The following RALGAPA1 variants were observed in gnomAD, a reference collection of about 807,000 sequenced individuals.
RALGAPA1 encodes the protein ral GTPase-activating protein subunit alpha-1.
In RALGAPA1, 52 loss-of-function variants were observed where a neutral mutation model predicts 269.6. The observed-to-expected ratio is 0.19, with a 90% confidence interval of 0.15 to 0.24. The LOEUF (loss-of-function observed/expected upper bound fraction) is 0.24. Among genes scored for constraint, RALGAPA1 ranks in the 10% least tolerant of loss-of-function variants. The pLI is 1.00. For missense variants in RALGAPA1, 1,917 were observed against 3,013.9 expected (o/e 0.64, Z 8.52); for synonymous variants, 817 against 1,008.3 (o/e 0.81, Z 3.60).
At chr14:35,724,459 A>T (rs1050047701) in intron 14 of RALGAPA1, among the ~76,000 whole-genome samples, 1 of 152,124 alleles carries the variant, frequency 6.6e-6, no homozygotes, top group Non-Finnish European at 1.5e-5. Context: ...TCCATAATAC[A>T]TTTAAAGTCA....
At chr14:35,669,193 G>A (rs1296387668) in intron 26 of RALGAPA1, among the ~76,000 whole-genome samples, 2 of 152,162 alleles carry the variant, frequency 1.3e-5, no homozygotes, top group Non-Finnish European at 2.9e-5. Context: ...CATATAACGT[G>A]TCACATAGTG....
intron 41 of RALGAPA1, among the ~76,000 whole-genome samples, chr14:35,542,710 T>G (rs1490030189): frequency 6.6e-6 from 1 of 152,204 alleles, no homozygotes; most frequent in Non-Finnish European, 1.5e-5. Flanking sequence ...TTTCTATTAT[T>G]AATATATCCT....
At chr14:35,615,569 T>C (rs1200913207) in intron 35 of RALGAPA1, among the ~76,000 whole-genome samples, 2 of 152,184 alleles carry the variant, frequency 1.3e-5, no homozygotes, top group Non-Finnish European at 2.9e-5. Context: ...ACTATGTAGT[T>C]TTCTTTAAAA....
Position 35,787,031 on chromosome 14 carries a change from C to G in RALGAPA1, c.107-11286G>C, listed in dbSNP as rs552490329. 2.6e-5 allele frequency among the ~76,000 whole-genome samples: 4 copies of G among 152,306 alleles called. No individual in the cohort carries two copies. In the South Asian group the frequency reaches 6.2e-4, roughly 24 times the overall value. On this transcript the variant is annotated intron_variant, in intron 1 of 41. Coordinates refer to ENST00000680220, the MANE Select transcript of RALGAPA1 (RefSeq NM_001346249.2). The stretch of plus-strand genomic sequence containing the variant: ...CCAAGGCACAGATCAAATGTCCCTG[C>G]CCCATGAAGCCTTCTCTGAGCCACT...
At chr14:35,692,592 GT>G (rs1379107695) in intron 17 of RALGAPA1, among the ~76,000 whole-genome samples, 1 of 149,886 alleles carries the variant, frequency 6.7e-6, no homozygotes, top group East Asian at 2.0e-4. Context: ...AATGTAACTG[GT>G]TTTTTTCTAC....
intron 37 of RALGAPA1, among the ~76,000 whole-genome samples, chr14:35,587,417 T>C (rs571642795): frequency 2.4e-4 from 37 of 152,266 alleles, no homozygotes; most frequent in Admixed American, 1.7e-3. Context: ...AACACATGCA[T>C]ACGTATGTCT....
chr14:35,612,541 CTT>C (rs71124709), intron 35 of RALGAPA1, among the ~76,000 whole-genome samples: 12 of 139,846 alleles, frequency 8.6e-5, no homozygotes, highest in Admixed American at 7.3e-5. Context: ...TCTTCTTCTT[CTT>C]TTTTTTTTTT....
intron 13 of RALGAPA1, among the ~76,000 whole-genome samples, chr14:35,727,347 A>ATATG (rs59640063): frequency 6.2e-5 from 8 of 129,306 alleles, no homozygotes; most frequent in Non-Finnish European, 1.2e-4. Context: ...ATATATATAT[A>ATATG]GTATAATACT....
chr14:35,723,472 C>T (rs2084742559), intron 14 of RALGAPA1: 1 of 399,380 alleles, frequency 2.5e-6, no homozygotes, highest in South Asian at 6.1e-5. Context: ...CAACTCCCAA[C>T]ACCCAGCAAT....
chr14:35,721,619 T>C (rs2069416760), intron 16 of RALGAPA1, 69 bp downstream of exon 16: 1 of 1,335,724 alleles, frequency 7.5e-7, no homozygotes, highest in South Asian at 1.5e-5. Flanking sequence ...TTTATATTGA[T>C]ATAAATTGTT....
chr14:35,600,233 T>TTTTTC (rs1555369682), intron 36 of RALGAPA1, among the ~76,000 whole-genome samples: 11 of 82,218 alleles, frequency 1.3e-4, no homozygotes, highest in Middle Eastern at 5.1e-3. Context: ...TCTTTTTTTC[T>TTTTTC]TTTTTTTTTT....
At chr14:35,623,666 A>G (rs964184287) in intron 35 of RALGAPA1, among the ~76,000 whole-genome samples, 4 of 152,228 alleles carry the variant, frequency 2.6e-5, no homozygotes, top group African/African-American at 9.6e-5. Context: ...CCCAATATAC[A>G]TGGCATGAAA....
intron 7 of RALGAPA1, among the ~76,000 whole-genome samples, chr14:35,753,464 T>C (rs1270511432): frequency 6.6e-6 from 1 of 152,094 alleles, no homozygotes; most frequent in Non-Finnish European, 1.5e-5. Context: ...GATGAAGAGA[T>C]AAACAAAATA....
chr14:35,583,805 A>C (rs1184186317), intron 37 of RALGAPA1, among the ~76,000 whole-genome samples: 3 of 152,182 alleles, frequency 2.0e-5, no homozygotes, highest in African/African-American at 7.2e-5. Context: ...GAAATATTTA[A>C]AGTATTGAGA....
chr14:35,600,220 T>TCTTC (rs2059198069), intron 36 of RALGAPA1, among the ~76,000 whole-genome samples: 1 of 123,264 alleles, frequency 8.1e-6, no homozygotes, highest in Admixed American at 7.5e-5. Flanking sequence ...TTTTTTTTCT[T>TCTTC]TTTCTTTTTT....
intron 4 of RALGAPA1, 91 bp from the exon 5 acceptor site, chr14:35,762,844 G>T: frequency 1.3e-6 from 1 of 759,484 alleles, no homozygotes; most frequent in East Asian, 2.6e-5. Flanking sequence ...TTTTAAATAA[G>T]TCCTTGGCAA....
intron 17 of RALGAPA1, 116 bp from the exon 18 acceptor site, chr14:35,690,119 T>TC (rs1159294202): frequency 1.4e-6 from 1 of 729,556 alleles, no homozygotes; most frequent in Non-Finnish European, 2.1e-6. Context: ...TTTTGTAAGC[T>TC]CAATGAAAAA....
Position 35,725,173 on chromosome 14 carries a change from T to C in RALGAPA1, c.1737-20A>G. 6.6e-7 allele frequency: 1 copy of C among 1,512,900 alleles called. No homozygotes were observed. The highest frequency in any genetic ancestry group is 8.9e-7 in the Non-Finnish European group (1 of 1,129,400). The allele number at this position is 1,512,900 out of a possible 1,614,324, so 93.7% of individuals were successfully genotyped here. On this transcript the variant is annotated intron_variant, in intron 13 of 41. Coordinates refer to ENST00000680220, the MANE Select transcript of RALGAPA1 (RefSeq NM_001346249.2). Reference sequence around the variant, plus strand: ...TGTTCCCTTAAAATAAAAAGACTGATTAATGTTTCCTTCTTGCATATGTTT... The same window carrying C: ...TGTTCCCTTAAAATAAAAAGACTGACTAATGTTTCCTTCTTGCATATGTTT...
intron 36 of RALGAPA1, among the ~76,000 whole-genome samples, chr14:35,600,241 T>C (rs1386596125): frequency 3.7e-4 from 54 of 144,458 alleles, no homozygotes; most frequent in Non-Finnish European, 6.8e-4. Flanking sequence ...TCTTTTTTTT[T>C]TTTTTTTTGA....
Sources: gnomAD v4.1 joint callset for allele counts (sites outside exome capture counted in the v4.1 genomes callset) on GRCh38, gnomAD v4.1.1 for gene constraint, MANE v1.5 for transcripts, NCBI Gene and HGNC (gene_info 2026-07-23, HGNC 2026-07-21) for gene names.